Variants in KCNK9 observed in about 807,000 individuals in gnomAD.
The protein encoded by KCNK9 is potassium two pore domain channel subfamily K member 9, also known as potassium channel subfamily K member 9.
KCNK9 carries 1 observed loss-of-function variant against 10.8 expected under a neutral mutation model. That is an observed-to-expected ratio of 0.09 (90% CI 0.03 to 0.44). The LOEUF is 0.44. Ranked by LOEUF, KCNK9 falls within the 20% of genes least tolerant of loss-of-function variation. KCNK9 has a pLI of 0.97. For synonymous variants in KCNK9, 231 were observed against 222.7 expected (o/e 1.04, Z -0.33); for missense variants, 303 against 515.0 (o/e 0.59, Z 3.98).
chr8:139,661,521 C>G (rs904067276), intron 1 of KCNK9, among the ~76,000 whole-genome samples: 11 of 152,192 alleles, frequency 7.2e-5, no homozygotes, highest in African/African-American at 2.7e-4. Flanking sequence ...CAAGCAGAGC[C>G]CACAGGAAGG....
intron 1 of KCNK9, among the ~76,000 whole-genome samples, chr8:139,687,427 T>C (rs1263602535): frequency 3.4e-4 from 47 of 138,538 alleles, no homozygotes; most frequent in East Asian, 1.0e-3. Flanking sequence ...TGTGTATACA[T>C]ATATATTCAT....
chr8:139,665,907 C>T (rs1816287505), intron 1 of KCNK9, among the ~76,000 whole-genome samples: 1 of 152,216 alleles, frequency 6.6e-6, no homozygotes, highest in Admixed American at 6.5e-5. Flanking sequence ...TCAGTGTGGC[C>T]GAGCCTGAGA....
chr8:139,657,596 G>A (rs961654797), intron 1 of KCNK9, among the ~76,000 whole-genome samples: 7 of 152,086 alleles, frequency 4.6e-5, no homozygotes, highest in African/African-American at 1.2e-4. Flanking sequence ...GAGCAATAGC[G>A]CCTGGGAAAC....
At chr8:139,627,303 T>C (rs1047123377) in intron 1 of KCNK9, among the ~76,000 whole-genome samples, 2 of 152,132 alleles carry the variant, frequency 1.3e-5, no homozygotes, top group African/African-American at 2.4e-5. Flanking sequence ...CAACCCCTAT[T>C]TCTACTGGGC....
chr8:139,685,222 T>A (rs1816764243), intron 1 of KCNK9, among the ~76,000 whole-genome samples: 1 of 152,202 alleles, frequency 6.6e-6, no homozygotes, highest in South Asian at 2.1e-4. Flanking sequence ...GCATTATAAG[T>A]ATGCCTTACA....
At chr8:139,629,223 T>G (rs1467124568) in intron 1 of KCNK9, among the ~76,000 whole-genome samples, 1 of 152,232 alleles carries the variant, frequency 6.6e-6, no homozygotes, top group Non-Finnish European at 1.5e-5. Context: ...CCAGGTGGCA[T>G]CAGGAAACAC....
At chr8:139,606,473 AC>A (rs1275558950) in intron 2 of KCNK9, among the ~76,000 whole-genome samples, 1 of 151,600 alleles carries the variant, frequency 6.6e-6, no homozygotes, top group Non-Finnish European at 1.5e-5. Flanking sequence ...ATATCCCCAC[AC>A]CCCACCCTCC....
chr8:139,609,106 A>ACCCCCTCCCCCCCCCCCCC (rs1554617339), downstream of KCNK9, among the ~76,000 whole-genome samples: 1 of 123,852 alleles, frequency 8.1e-6, no homozygotes. Context: ...GACCCATCCC[A>ACCCCCTCCCCCCCCCCCCC]CCCCACCCCG....
chr8:139,644,932 C>T (rs1034578457), intron 1 of KCNK9, among the ~76,000 whole-genome samples: 7 of 152,222 alleles, frequency 4.6e-5, no homozygotes, highest in African/African-American at 1.4e-4. Context: ...TGCCTCCCCC[C>T]ACATCCCCGC....
At chr8:139,697,210 G>A (rs1817081291) in intron 1 of KCNK9, among the ~76,000 whole-genome samples, 1 of 148,860 alleles carries the variant, frequency 6.7e-6, no homozygotes, top group South Asian at 2.1e-4. Flanking sequence ...TGAGTGGGTA[G>A]ATGGGTGTAT....
At chr8:139,689,316 C>T (rs747656624) in intron 1 of KCNK9, among the ~76,000 whole-genome samples, 2 of 152,120 alleles carry the variant, frequency 1.3e-5, no homozygotes, top group Non-Finnish European at 2.9e-5. Flanking sequence ...GAGAAAACAG[C>T]AAATCATCTG....
rs747979939 is a variant in KCNK9 at position 139,702,921 on chromosome 8, G to A, written c.72C>T (p.Ala24=). ...GGTCCGACTCGAGGGCGTCGAACACGGCGGCGCCCACCAGCAGGTAGGTGA... is the reference window on the plus strand; with the variant it reads ...GGTCCGACTCGAGGGCGTCGAACACAGCGGCGCCCACCAGCAGGTAGGTGA... ...CTFTYLLVGA[A]VFDALESDHE... Residue 24 remains alanine (A), a synonymous_variant, in exon 1 of 2, where the codon GCC becomes GCT. Coordinates refer to ENST00000520439, the MANE Select transcript of KCNK9 (RefSeq NM_001282534.2). The surrounding 1 kb of genome is among the most constrained non-coding windows in gnomAD (Gnocchi z 7.5). The A allele has an allele frequency of 5.6e-6, 9 of 1,613,110 alleles. No individual in the cohort carries two copies. In the Admixed American group the frequency reaches 8.3e-5, roughly 15 times the overall value.
At chr8:139,652,444 C>T (rs1367055709) in intron 1 of KCNK9, among the ~76,000 whole-genome samples, 1 of 152,146 alleles carries the variant, frequency 6.6e-6, no homozygotes, top group East Asian at 1.9e-4. Flanking sequence ...AACACCTGGT[C>T]ACCCTGAGGC....
At chr8:139,673,406 T>C (rs1816481073) in intron 1 of KCNK9, among the ~76,000 whole-genome samples, 1 of 152,242 alleles carries the variant, frequency 6.6e-6, no homozygotes, top group African/African-American at 2.4e-5. Context: ...GTCAAAAGCC[T>C]TGCCAGGCCT....
chr8:139,631,699 A>G (rs1325913521), intron 1 of KCNK9, among the ~76,000 whole-genome samples: 1 of 152,236 alleles, frequency 6.6e-6, no homozygotes, highest in Non-Finnish European at 1.5e-5. Flanking sequence ...ACAAGCCTAA[A>G]TTTAAAAAAC....
intron 1 of KCNK9, among the ~76,000 whole-genome samples, chr8:139,647,487 A>G (rs149677526): frequency 3.3e-3 from 495 of 152,284 alleles, no homozygotes; most frequent in Non-Finnish European, 5.7e-3. Flanking sequence ...ATGAACAACA[A>G]ATGATATGGA....
chr8:139,680,685 G>A (rs1230723054), intron 1 of KCNK9, among the ~76,000 whole-genome samples: 1 of 152,152 alleles, frequency 6.6e-6, no homozygotes, highest in Non-Finnish European at 1.5e-5. Context: ...GCCCTGTGAG[G>A]CTGACACTCT....
At chr8:139,697,193 G>A (rs1586699738) in intron 1 of KCNK9, among the ~76,000 whole-genome samples, 1 of 31,896 alleles carries the variant, frequency 3.1e-5, no homozygotes, top group Admixed American at 4.1e-4. Flanking sequence ...GATGGTGGAT[G>A]GGTGGATGAG....
chr8:139,618,208 T>C lies in KCNK9; in HGVS notation c.*50A>G. 1 of 1,613,032 alleles carries C rather than the reference T, an allele frequency of 6.2e-7. No homozygotes were observed. The highest frequency in any genetic ancestry group is 8.5e-7 in the Non-Finnish European group (1 of 1,179,140). The stretch of plus-strand genomic sequence containing the variant: ...AAAGACGAGTTGGACCAATGGAAAT[T>C]AACACCAACTATGACAAATGACTTT... On this transcript the variant is annotated 3_prime_UTR_variant, in exon 2 of 2. Coordinates refer to ENST00000520439, the MANE Select transcript of KCNK9 (RefSeq NM_001282534.2). This position sits in a 1 kb window ranked among gnomAD's most constrained non-coding sequence, Gnocchi z 7.9.
Sources: allele counts gnomAD v4.1 joint callset (sites outside exome capture counted in the v4.1 genomes callset), GRCh38; gene constraint gnomAD v4.1.1; non-coding constraint Gnocchi (gnomAD v3.1); transcripts MANE v1.5; gene names NCBI Gene and HGNC (gene_info 2026-07-23, HGNC 2026-07-21).